TBC1D22A: variants seen among roughly 807,000 people sequenced by gnomAD.
TBC1D22A encodes TBC1 domain family member 22A.
TBC1D22A carries 38 observed loss-of-function variants against 60.2 expected under a neutral mutation model. The observed-to-expected ratio is 0.63, with a 90% CI of 0.49 to 0.83. The LOEUF is 0.83. Ranked by LOEUF, TBC1D22A falls within the 40% of genes least tolerant of loss-of-function variation. The pLI, the probability that TBC1D22A is intolerant of heterozygous loss-of-function variation, is 0.00. For synonymous variants in TBC1D22A, 302 were observed against 281.7 expected, an observed-to-expected ratio of 1.07 and a Z score of -0.72; for missense variants, 628 against 701.0, an observed-to-expected ratio of 0.90 and a Z score of 1.18.
intron 4 of TBC1D22A, among the ~76,000 whole-genome samples, chr22:46,869,366 C>A (rs908167452): frequency 1.3e-5 from 2 of 152,200 alleles, no homozygotes; most frequent in African/African-American, 4.8e-5. Flanking sequence ...GGCTAGATTT[C>A]TTCTTGTTAT....
intron 11 of TBC1D22A, among the ~76,000 whole-genome samples, chr22:47,086,354 C>T (rs959506821): frequency 1.3e-5 from 2 of 152,202 alleles, no homozygotes; most frequent in African/African-American, 4.8e-5. Context: ...AGTCAGGAGG[C>T]TGAGGCAGGA....
chr22:46,964,885 G>A (rs775657159), intron 8 of TBC1D22A, among the ~76,000 whole-genome samples: 13 of 152,248 alleles, frequency 8.5e-5, no homozygotes, highest in South Asian at 4.1e-4. Flanking sequence ...TTAGAATTGC[G>A]ACAGGGGCCA....
intron 11 of TBC1D22A, among the ~76,000 whole-genome samples, chr22:47,084,182 A>T (rs1377540452): frequency 6.6e-6 from 1 of 152,196 alleles, no homozygotes; most frequent in Non-Finnish European, 1.5e-5. Context: ...AAATGAATAG[A>T]TTGAAACATG....
Position 46,940,970 on chromosome 22 carries a change from T to TA in TBC1D22A, c.1015+28783dup, listed in dbSNP as rs564653347. Among the ~76,000 whole-genome samples, 404 of 134,738 alleles carry TA rather than the reference T, an allele frequency of 3.0e-3. 4 individuals are homozygous for TA. The highest frequency in any genetic ancestry group is 0.011 in the African/African-American group (382 of 34,826). 88.4% of individuals were successfully genotyped at this position (134,738 alleles called of 152,430 possible). On this transcript the variant is annotated intron_variant, in intron 8 of 12. Transcript: ENST00000337137. ...GCATGGGGACTGAGGCACTAGAATATATATATATATGTATGTATGTATATA... is the reference window on the plus strand; with the variant it reads ...GCATGGGGACTGAGGCACTAGAATATAATATATATATGTATGTATGTATATA...
At chr22:47,048,636 C>T (rs1402338881) in intron 11 of TBC1D22A, among the ~76,000 whole-genome samples, 3 of 152,230 alleles carry the variant, frequency 2.0e-5, no homozygotes, top group African/African-American at 7.2e-5. Flanking sequence ...CCGCCAGCTC[C>T]TGTCCCTCTC....
At chr22:47,093,492 C>G (rs2065059773) in intron 11 of TBC1D22A, among the ~76,000 whole-genome samples, 1 of 152,152 alleles carries the variant, frequency 6.6e-6, no homozygotes, top group Non-Finnish European at 1.5e-5. Context: ...TGTTCACTCT[C>G]CCAACTCTCA....
At chr22:46,966,505 A>G (rs2073812444) in intron 8 of TBC1D22A, among the ~76,000 whole-genome samples, 1 of 152,214 alleles carries the variant, frequency 6.6e-6, no homozygotes, top group African/African-American at 2.4e-5. Flanking sequence ...AATAGAAGAA[A>G]TCACTGTTTC....
chr22:46,894,938 C>CTGGGTG, intron 7 of TBC1D22A, 92 bp downstream of exon 7: 1 of 1,423,210 alleles, frequency 7.0e-7, no homozygotes, highest in Non-Finnish European at 9.9e-7. Flanking sequence ...GGAGGTGCTT[C>CTGGGTG]ACCCAGAAGC....
chr22:47,166,402 T>A (rs1221824655), intron 12 of TBC1D22A, among the ~76,000 whole-genome samples: 1 of 152,230 alleles, frequency 6.6e-6, no homozygotes, highest in Non-Finnish European at 1.5e-5. Context: ...ACACCCAAAA[T>A]ACTATCATTT....
intron 4 of TBC1D22A, among the ~76,000 whole-genome samples, chr22:46,855,186 T>C (rs75382741): frequency 0.01 from 1,554 of 152,296 alleles, 25 homozygotes; most frequent in African/African-American, 0.036. Flanking sequence ...ATCCCTGCTG[T>C]CCTGGGATAA....
intron 6 of TBC1D22A, among the ~76,000 whole-genome samples, chr22:46,893,433 A>G (rs2068506576): frequency 6.6e-6 from 1 of 152,080 alleles, no homozygotes. Context: ...TCTCCTGACA[A>G]TGGGGATGAT....
rs181035777 is a variant in TBC1D22A, at chr22:46,923,985, A to G, written c.1015+11797A>G. On this transcript the variant is annotated intron_variant, in intron 8 of 12. Transcript: ENST00000337137. ...TAAGAAAAGCCTGTACTTTTCAAAC[A>G]GCGACTGTCATATTACTTTTAAGTA... Among the ~76,000 whole-genome samples, 533 of 152,366 alleles carry G rather than the reference A, an allele frequency of 3.5e-3. 1 individual carries two copies. Among genetic ancestry groups the G allele is most frequent in the African/African-American group, 0.012 (515 of 41,596 alleles).
intron 11 of TBC1D22A, among the ~76,000 whole-genome samples, chr22:47,086,859 A>T (rs1603252454): frequency 6.6e-6 from 1 of 152,238 alleles, no homozygotes; most frequent in Non-Finnish European, 1.5e-5. Flanking sequence ...GGAGCCATCC[A>T]AAAGATTAGT....
In TBC1D22A at chr22:47,019,485, A is replaced by T. The variant is rs2062009480; in HGVS notation, c.1202-17586A>T. Among the ~76,000 whole-genome samples the T allele has an allele frequency of 2.0e-5, 3 of 152,292 alleles. No individual in the cohort carries two copies. In the South Asian group the frequency reaches 6.2e-4, roughly 32 times the overall value. ...AGGACTGAGTTGAAGAAGTGTCCAG[A>T]GAAAGCTGTGCAGAGGTTGGGACAT... On this transcript the variant is annotated intron_variant, in intron 10 of 12. Transcript: ENST00000337137.
chr22:46,807,491 G>C (rs777431347), intron 4 of TBC1D22A, among the ~76,000 whole-genome samples: 1 of 152,152 alleles, frequency 6.6e-6, no homozygotes, highest in South Asian at 2.1e-4. Context: ...ACATGCATGC[G>C]TCTGTGTGAC....
At chr22:46,793,961 G>C in intron 3 of TBC1D22A, 120 bp downstream of exon 3, 1 of 924,676 alleles carries the variant, frequency 1.1e-6, no homozygotes, top group East Asian at 2.7e-5. Context: ...AGGCCCCCTG[G>C]CCCACGAGAG....
intron 11 of TBC1D22A, among the ~76,000 whole-genome samples, chr22:47,092,843 C>A (rs2065030660): frequency 6.6e-6 from 1 of 152,162 alleles, no homozygotes; most frequent in Non-Finnish European, 1.5e-5. Context: ...TTTGAATTTG[C>A]CAAGAACATC....
chr22:47,062,067 G>A (rs904085239), intron 11 of TBC1D22A, among the ~76,000 whole-genome samples: 7 of 114,194 alleles, frequency 6.1e-5, no homozygotes, highest in African/African-American at 2.4e-4. Context: ...CAGCCTGGGC[G>A]ACAGAGCAAG....
intron 12 of TBC1D22A, among the ~76,000 whole-genome samples, chr22:47,166,561 C>T (rs1030156186): frequency 1.6e-4 from 24 of 152,230 alleles, no homozygotes; most frequent in Admixed American, 1.4e-3. Flanking sequence ...TCTGCGGTAG[C>T]CTGCATCCCA....
Sources: gnomAD v4.1 joint callset for allele counts (sites outside exome capture counted in the v4.1 genomes callset) on GRCh38, gnomAD v4.1.1 for gene constraint, MANE v1.5 for transcripts, NCBI Gene and HGNC (gene_info 2026-07-23, HGNC 2026-07-21) for gene names.